Variants in KCNQ5 observed in about 807,000 individuals in gnomAD.
The protein encoded by KCNQ5 is potassium voltage-gated channel subfamily Q member 5.
In KCNQ5, 30 loss-of-function variants were observed where a neutral mutation model predicts 98.2. That is an observed-to-expected ratio of 0.31 (90% CI 0.23 to 0.41). KCNQ5 has a LOEUF of 0.41. Ranked by LOEUF, KCNQ5 falls within the 10% of genes least tolerant of loss-of-function variation. The pLI is 1.00. For synonymous variants in KCNQ5, 458 were observed against 449.4 expected, an observed-to-expected ratio of 1.02 and a Z score of -0.24; for missense variants, 835 against 1,182.5, an observed-to-expected ratio of 0.71 and a Z score of 4.31.
At chr6:72,897,845 G>T (rs1779311705) in intron 1 of KCNQ5, among the ~76,000 whole-genome samples, 1 of 152,140 alleles carries the variant, frequency 6.6e-6, no homozygotes, top group Non-Finnish European at 1.5e-5. Flanking sequence ...TTAAGAGTAA[G>T]TGAACTCCCT....
chr6:72,937,070 T>C (rs1582047219), intron 1 of KCNQ5, among the ~76,000 whole-genome samples: 2 of 152,244 alleles, frequency 1.3e-5, no homozygotes, highest in African/African-American at 4.8e-5. Context: ...CAACTATTCA[T>C]ATTGATAAAT....
At chr6:72,639,430 C>T (rs777991296) in intron 1 of KCNQ5, among the ~76,000 whole-genome samples, 1 of 152,114 alleles carries the variant, frequency 6.6e-6, no homozygotes, top group Non-Finnish European at 1.5e-5. Context: ...TCCAATTTCA[C>T]AGGAAACATG....
intron 1 of KCNQ5, among the ~76,000 whole-genome samples, chr6:72,985,427 T>C (rs918242180): frequency 1.3e-5 from 2 of 152,214 alleles, no homozygotes; most frequent in Non-Finnish European, 2.9e-5. Context: ...AACATTCCCC[T>C]GTCCCCAAAA....
chr6:72,727,547 CAT>C (rs1770348671), intron 1 of KCNQ5, among the ~76,000 whole-genome samples: 1 of 151,974 alleles, frequency 6.6e-6, no homozygotes, highest in African/African-American at 2.4e-5. Context: ...CTTTTGTAGA[CAT>C]ATAGCAGTGA....
At chr6:72,996,421 T>C (rs1769301416) in intron 1 of KCNQ5, among the ~76,000 whole-genome samples, 1 of 152,184 alleles carries the variant, frequency 6.6e-6, no homozygotes, top group African/African-American at 2.4e-5. Flanking sequence ...GGATGCCTCA[T>C]TGAGCAAATA....
intron 1 of KCNQ5, among the ~76,000 whole-genome samples, chr6:72,948,790 T>G (rs1472698236): frequency 6.6e-6 from 1 of 152,146 alleles, no homozygotes; most frequent in African/African-American, 2.4e-5. Context: ...AAAGAGAAGA[T>G]GAAGATTTTA....
chr6:73,002,021 G>A (rs543368742), intron 1 of KCNQ5, among the ~76,000 whole-genome samples: 7 of 152,236 alleles, frequency 4.6e-5, no homozygotes, highest in Admixed American at 4.6e-4. Flanking sequence ...CTCTCAGGAG[G>A]CTGAGGTGGG....
chr6:72,866,958 AT>A (rs796809530), intron 1 of KCNQ5, among the ~76,000 whole-genome samples: 1 of 151,644 alleles, frequency 6.6e-6, no homozygotes. Context: ...AATGTATTTA[AT>A]TTTTTTTTCT....
intron 1 of KCNQ5, among the ~76,000 whole-genome samples, chr6:72,929,334 A>G (rs1487675404): frequency 6.6e-6 from 1 of 152,110 alleles, no homozygotes. Context: ...GTGGAATAAG[A>G]CCAAATGGAC....
chr6:72,710,890 C>T (rs112812226), intron 1 of KCNQ5, among the ~76,000 whole-genome samples: 2,659 of 152,244 alleles, frequency 0.017, 76 homozygotes, highest in African/African-American at 0.06. Context: ...ACAGGATATA[C>T]ATTCTTCTGA....
chr6:72,782,203 C>A (rs2154477907), intron 1 of KCNQ5, among the ~76,000 whole-genome samples: 1 of 151,966 alleles, frequency 6.6e-6, no homozygotes, highest in East Asian at 1.9e-4. Flanking sequence ...TCTAGGGTTA[C>A]CTATTCAGAC....
intron 1 of KCNQ5, among the ~76,000 whole-genome samples, chr6:72,802,595 T>C (rs914466690): frequency 6.6e-6 from 1 of 152,170 alleles, no homozygotes; most frequent in African/African-American, 2.4e-5. Flanking sequence ...GTGTTAGTTA[T>C]AGTCTCATTT....
intron 1 of KCNQ5, among the ~76,000 whole-genome samples, chr6:72,753,414 A>C (rs1265207375): frequency 6.6e-6 from 1 of 152,126 alleles, no homozygotes; most frequent in Non-Finnish European, 1.5e-5. Flanking sequence ...AAACAGTCTC[A>C]GATAGGTCTT....
chr6:73,109,747 C>T (rs73753257), intron 6 of KCNQ5, among the ~76,000 whole-genome samples: 2,606 of 152,140 alleles, frequency 0.017, 75 homozygotes, highest in African/African-American at 0.059. Context: ...TCTTAGACAG[C>T]GTAAGACAGT....
intron 1 of KCNQ5, among the ~76,000 whole-genome samples, chr6:72,762,416 T>C (rs369901736): frequency 0.015 from 2,158 of 148,172 alleles, 44 homozygotes; most frequent in African/African-American, 0.05. Context: ...TTAGAATACT[T>C]AAAAAAAAAA....
intron 3 of KCNQ5, among the ~76,000 whole-genome samples, chr6:73,072,498 T>A (rs1773340213): frequency 6.6e-6 from 1 of 152,228 alleles, no homozygotes; most frequent in Admixed American, 6.5e-5. Flanking sequence ...GCTTTGGATG[T>A]AAATAATGAA....
At chr6:73,111,518 T>G in intron 7 of KCNQ5, 115 bp downstream of exon 7, 2 of 716,416 alleles carry the variant, frequency 2.8e-6, no homozygotes, top group Non-Finnish European at 4.7e-6. Context: ...TTCCTTTTTA[T>G]AAAATGAAGT....
intron 2 of KCNQ5, among the ~76,000 whole-genome samples, chr6:73,028,445 G>A (rs1770988678): frequency 6.6e-6 from 1 of 152,194 alleles, no homozygotes; most frequent in Non-Finnish European, 1.5e-5. Context: ...ATCCACTGCT[G>A]TGGGTTCCTT....
intron 1 of KCNQ5, among the ~76,000 whole-genome samples, chr6:72,655,018 G>GTCGGTCTTTCTTTCCTTCTT (rs1554683229): frequency 2.4e-4 from 22 of 90,612 alleles, no homozygotes; most frequent in East Asian, 1.2e-3. Flanking sequence ...AATAGCCAAG[G>GTCGGTCTTTCTTTCCTTCTT]TCTGTCTGTC....
Sources: allele counts gnomAD v4.1 joint callset (sites outside exome capture counted in the v4.1 genomes callset), GRCh38; gene constraint gnomAD v4.1.1; transcripts MANE v1.5; gene names NCBI Gene and HGNC (gene_info 2026-07-23, HGNC 2026-07-21).